The following ERC2 variants were observed in gnomAD, a reference collection of about 807,000 sequenced individuals.
The protein encoded by ERC2 is ERC protein 2.
In ERC2, 42 loss-of-function variants were observed where a neutral mutation model predicts 114.8. The observed-to-expected ratio is 0.37, with a 90% CI of 0.29 to 0.47. The LOEUF is 0.47. ERC2 is among the 20% of genes least tolerant of loss of function. The pLI, the probability that ERC2 is intolerant of heterozygous loss-of-function variation, is 0.99. For missense variants in ERC2, 939 were observed against 1,150.7 expected (o/e 0.82, Z 2.66); for synonymous variants, 454 against 425.5 (o/e 1.07, Z -0.82).
chr3:55,604,457 C>G (rs1409725174), intron 17 of ERC2, among the ~76,000 whole-genome samples: 1 of 152,116 alleles, frequency 6.6e-6, no homozygotes, highest in Non-Finnish European at 1.5e-5. Context: ...TTAACCTTTA[C>G]AATTCTCTCT....
At chr3:56,350,977 A>C (rs528989134) in intron 2 of ERC2, among the ~76,000 whole-genome samples, 10 of 152,332 alleles carry the variant, frequency 6.6e-5, no homozygotes, top group African/African-American at 2.4e-4. Flanking sequence ...TTCAAGCCCA[A>C]GGTCACCTTG....
chr3:55,532,070 G>A (rs2053701145), intron 17 of ERC2, among the ~76,000 whole-genome samples: 2 of 152,218 alleles, frequency 1.3e-5, no homozygotes, highest in Non-Finnish European at 2.9e-5. Context: ...TTTGGCTTGA[G>A]CTACATCACC....
chr3:56,031,815 G>A (rs939304460), intron 7 of ERC2, among the ~76,000 whole-genome samples: 6 of 152,160 alleles, frequency 3.9e-5, no homozygotes, highest in African/African-American at 1.4e-4. Context: ...AAAACATTCT[G>A]CAGCTAAAGA....
chr3:55,597,328 G>C (rs1355959873), intron 17 of ERC2, among the ~76,000 whole-genome samples: 1 of 151,078 alleles, frequency 6.6e-6, no homozygotes, highest in African/African-American at 2.4e-5. Context: ...GCTGAGGCAG[G>C]AGAACGGCAT....
At chr3:56,042,167 G>T (rs539497184) in intron 7 of ERC2, among the ~76,000 whole-genome samples, 3 of 152,122 alleles carry the variant, frequency 2.0e-5, no homozygotes, top group Non-Finnish European at 4.4e-5. Flanking sequence ...ACATTCCCAC[G>T]AGATGAAGGA....
chr3:55,752,893 A>G (rs1559599446), intron 14 of ERC2, among the ~76,000 whole-genome samples: 1 of 152,212 alleles, frequency 6.6e-6, no homozygotes, highest in Non-Finnish European at 1.5e-5. Context: ...CTGAATTCCG[A>G]TAAGAGGACC....
chr3:55,828,932 A>G (rs1391358724), intron 14 of ERC2, among the ~76,000 whole-genome samples: 1 of 152,164 alleles, frequency 6.6e-6, no homozygotes, highest in Non-Finnish European at 1.5e-5. Context: ...TGAGCCAAGA[A>G]TTCCAGACCA....
At chr3:56,012,623 G>A (rs1048605190) in intron 8 of ERC2, among the ~76,000 whole-genome samples, 8 of 152,300 alleles carry the variant, frequency 5.3e-5, no homozygotes, top group Middle Eastern at 3.4e-3. Context: ...TGTCAGAATC[G>A]TTTGGAAAGT....
chr3:55,726,137 G>A (rs1495360), intron 15 of ERC2, among the ~76,000 whole-genome samples: 125,578 of 152,236 alleles, frequency 0.82, 52,303 homozygotes, highest in African/African-American at 0.94. Context: ...AGATTCTACC[G>A]GTGGGACACA....
intron 7 of ERC2, among the ~76,000 whole-genome samples, chr3:56,076,073 C>G (rs920076902): frequency 2.0e-5 from 3 of 152,148 alleles, no homozygotes; most frequent in African/African-American, 7.2e-5. Context: ...CTCCCAGGAG[C>G]CAACTCCATT....
At chr3:55,898,872 C>T (rs1163337991) in intron 13 of ERC2, among the ~76,000 whole-genome samples, 1 of 152,056 alleles carries the variant, frequency 6.6e-6, no homozygotes, top group Non-Finnish European at 1.5e-5. Context: ...AGGCTAAATT[C>T]CAAACATAAA....
rs193012075 is a variant in ERC2, at chr3:56,348,921, A to G, written c.658-52486T>C. On this transcript the variant is annotated intron_variant, in intron 2 of 17. Transcript: ENST00000288221. Reference sequence around the variant, plus strand: ...GAAGGAAGGAAAGAAGGAAGGAAGGAAGGAAGGAAGGAAGGAAGGAAGGAA... The same window carrying G: ...GAAGGAAGGAAAGAAGGAAGGAAGGGAGGAAGGAAGGAAGGAAGGAAGGAA... Among the ~76,000 whole-genome samples the G allele has an allele frequency of 1.9e-3, 269 of 140,602 alleles. 3 individuals carry two copies. Among genetic ancestry groups the G allele is most frequent in the Middle Eastern group, 0.011 (3 of 280 alleles). The allele number at this position is 140,602 out of a possible 152,430, so 92.2% of individuals were successfully genotyped here.
At chr3:55,673,983 G>C (rs815417) in intron 17 of ERC2, among the ~76,000 whole-genome samples, 143,032 of 151,982 alleles carry the variant, frequency 0.94, 67,347 homozygotes, top group East Asian at 1. Flanking sequence ...CCTCTGACAC[G>C]TGAGCAGGGA....
At chr3:56,149,782 A>C (rs2081323110) in intron 4 of ERC2, among the ~76,000 whole-genome samples, 1 of 152,194 alleles carries the variant, frequency 6.6e-6, no homozygotes, top group African/African-American at 2.4e-5. Flanking sequence ...GTAACAAAAA[A>C]CATGACTACC....
intron 7 of ERC2, among the ~76,000 whole-genome samples, chr3:56,032,140 A>T (rs893457663): frequency 6.6e-6 from 1 of 152,328 alleles, no homozygotes; most frequent in South Asian, 2.1e-4. Context: ...AAAAAGTGGA[A>T]GCAGCCTGAA....
intron 14 of ERC2, among the ~76,000 whole-genome samples, chr3:55,866,176 T>G (rs1343308322): frequency 6.6e-6 from 1 of 152,204 alleles, no homozygotes; most frequent in East Asian, 1.9e-4. Context: ...TATCTCATTG[T>G]GATTTTGATT....
intron 14 of ERC2, among the ~76,000 whole-genome samples, chr3:55,768,803 G>T (rs951332777): frequency 1.2e-4 from 18 of 152,174 alleles, no homozygotes; most frequent in Admixed American, 5.9e-4. Flanking sequence ...GGCAGCAGCA[G>T]GTTACACACC....
At chr3:55,764,436 G>T (rs2067643392) in intron 14 of ERC2, among the ~76,000 whole-genome samples, 1 of 152,160 alleles carries the variant, frequency 6.6e-6, no homozygotes, top group African/African-American at 2.4e-5. Flanking sequence ...TGCACACAGG[G>T]CCTGTGTCAA....
chr3:56,048,689 ATTTG>A (rs1236581880), intron 7 of ERC2, among the ~76,000 whole-genome samples: 1 of 152,210 alleles, frequency 6.6e-6, no homozygotes, highest in Non-Finnish European at 1.5e-5. Context: ...TTGAGCTAAT[ATTTG>A]TTTAATTCCT....
Sources: allele counts gnomAD v4.1 joint callset (sites outside exome capture counted in the v4.1 genomes callset), GRCh38; gene constraint gnomAD v4.1.1; transcripts MANE v1.5; gene names NCBI Gene and HGNC (gene_info 2026-07-23, HGNC 2026-07-21).